The following NUP50 variants were observed in gnomAD, a reference collection of about 807,000 sequenced individuals.
NUP50 encodes the protein nuclear pore complex protein Nup50.
NUP50 carries 14 observed loss-of-function variants against 36.8 expected under a neutral mutation model. That is an observed-to-expected ratio of 0.38 (90% confidence interval 0.25 to 0.59). The LOEUF (loss-of-function observed/expected upper bound fraction) is 0.59. Ranked by LOEUF, NUP50 falls within the 20% of genes least tolerant of loss-of-function variation. The pLI, the probability that NUP50 is intolerant of heterozygous loss-of-function variation, is 0.63. For missense variants in NUP50, 455 were observed against 564.6 expected (o/e 0.81, Z 1.97); for synonymous variants, 195 against 210.8 (o/e 0.93, Z 0.65).
At chr22:45,182,087 T>A (rs147275404) in intron 6 of NUP50, among the ~76,000 whole-genome samples, 371 of 152,280 alleles carry the variant, frequency 2.4e-3, no homozygotes, top group Non-Finnish European at 4.1e-3. Context: ...GTGTTTAAAT[T>A]TCATTACTCA....
chr22:45,179,593 TTGAAAG>T (rs1259952903), intron 5 of NUP50, among the ~76,000 whole-genome samples: 1 of 152,122 alleles, frequency 6.6e-6, no homozygotes, highest in Non-Finnish European at 1.5e-5. Context: ...TTCTAAGCAG[TTGAAAG>T]TGAGGCCAGG....
intron 3 of NUP50, among the ~76,000 whole-genome samples, chr22:45,175,046 G>A (rs930007693): frequency 1.3e-5 from 2 of 151,490 alleles, no homozygotes; most frequent in Non-Finnish European, 2.9e-5. Context: ...TTAGATGTTC[G>A]GTCTAAGAAG....
intron 3 of NUP50, among the ~76,000 whole-genome samples, chr22:45,173,671 G>A (rs1469968734): frequency 6.6e-6 from 1 of 152,148 alleles, no homozygotes; most frequent in Non-Finnish European, 1.5e-5. Flanking sequence ...AGGGTCCTAC[G>A]AGGAGTGAGA....
In NUP50 at chr22:45,178,312, C is replaced by A. The variant is rs746353642; in HGVS notation, c.415C>A (p.Gln139Lys). 12 of 1,613,896 alleles carry A rather than the reference C, an allele frequency of 7.4e-6. No individual in the cohort carries two copies. The South Asian group carries it at 1.3e-4, about 18-fold the overall frequency. The change falls in exon 5 of 8, where the codon CAG (glutamine) becomes AAG (lysine). Residue 139 changes from glutamine (Q) to lysine (K), a missense_variant. Around this residue, in one of 3 missense-constraint regions of NUP50, gnomAD observed 166 missense variants for 202.8 expected, o/e 0.82. Coordinates refer to ENST00000347635, the MANE Select transcript of NUP50 (RefSeq NM_007172.4). Reference sequence around the variant, plus strand: ...TCCCAAAACTAATGGGGACAGTCAGCAGCCCTCCTCCTCTGGCCTTGCTTC... The same window carrying A: ...TCCCAAAACTAATGGGGACAGTCAGAAGCCCTCCTCCTCTGGCCTTGCTTC... ...SNPKTNGDSQ[Q>K]PSSSGLASSK...
rs1726790455 is a variant in NUP50 at position 45,185,610 on chromosome 22, A to G, written c.*955A>G. ...GTGAATTCACTAGGAAACATGTAAT[A>G]AAGTCATGGAAGAGAAAATCGTGTG... On this transcript the variant is annotated 3_prime_UTR_variant, in exon 8 of 8. Coordinates refer to ENST00000347635, the MANE Select transcript of NUP50 (RefSeq NM_007172.4). 1 of 152,250 alleles carries G rather than the reference A, an allele frequency of 6.6e-6. No homozygotes were observed. Among genetic ancestry groups the G allele is most frequent in the East Asian group, 1.9e-4 (1 of 5,202 alleles). The allele number at this position is 152,250 out of a possible 1,614,324, so 9.4% of individuals were successfully genotyped here.
At position 45,187,601 on chromosome 22, in the gene NUP50, G is replaced by T. The variant is rs1237026069; in HGVS notation, c.*2946G>T. 6.6e-6 allele frequency: 1 copy of T among 152,188 alleles called. No homozygotes were observed. The highest frequency in any genetic ancestry group is 1.5e-5 in the Non-Finnish European group (1 of 68,044). The allele number at this position is 152,188 out of a possible 1,614,324, so 9.4% of individuals were successfully genotyped here. On this transcript the variant is annotated 3_prime_UTR_variant, in exon 8 of 8. Coordinates refer to ENST00000347635, the MANE Select transcript of NUP50 (RefSeq NM_007172.4). Reference sequence around the variant, plus strand: ...TTCAGAAGAGTCAAAATTCAAGCACGATACATTTTGAAGGCTTTGCAAACT... The same window carrying T: ...TTCAGAAGAGTCAAAATTCAAGCACTATACATTTTGAAGGCTTTGCAAACT...
chr22:45,180,981 GA>G (rs2074360019), intron 5 of NUP50, among the ~76,000 whole-genome samples: 1 of 142,322 alleles, frequency 7.0e-6, no homozygotes, highest in African/African-American at 2.7e-5. Flanking sequence ...ATAGAGTGTT[GA>G]TTTTTTTTTT....
At chr22:45,183,100 G>T (rs75322544) in intron 6 of NUP50, among the ~76,000 whole-genome samples, 3 of 116,482 alleles carry the variant, frequency 2.6e-5, no homozygotes, top group African/African-American at 1.1e-4. Context: ...GGGGGGGGGG[G>T]TTGGTGTTGA....
chr22:45,165,424 A>G (rs1243421065), intron 1 of NUP50, among the ~76,000 whole-genome samples: 1 of 152,076 alleles, frequency 6.6e-6, no homozygotes, highest in Non-Finnish European at 1.5e-5. Context: ...TATTCATCTA[A>G]TCTATGTCCA....
rs1013803516 is a variant in NUP50 at position 45,183,737 on chromosome 22, C to T, written c.1204+217C>T. On this transcript the variant is annotated intron_variant, in intron 7 of 7. Transcript: ENST00000347635. The stretch of plus-strand genomic sequence containing the variant: ...TGTAAACAAAATGATTTTTCATTTT[C>T]CTTTGTGTTAGAAATGTGACTAAGA... 66 of 480,088 alleles carry T rather than the reference C, an allele frequency of 1.4e-4. 1 individual carries two copies. The highest frequency in any genetic ancestry group is 7.8e-5 in the African/African-American group (4 of 51,358). 29.7% of individuals were successfully genotyped at this position (480,088 alleles called of 1,614,324 possible). A position where few individuals can be genotyped will look rare whatever the true frequency, so the allele number is the denominator to read the frequency against.
At chr22:45,167,021 T>C (rs1478793202) in intron 1 of NUP50, among the ~76,000 whole-genome samples, 1 of 152,196 alleles carries the variant, frequency 6.6e-6, no homozygotes, top group Non-Finnish European at 1.5e-5. Context: ...CATTTGCATT[T>C]TACTTTTAGA....
intron 2 of NUP50, among the ~76,000 whole-genome samples, chr22:45,169,107 G>A (rs1198159105): frequency 6.6e-6 from 1 of 152,054 alleles, no homozygotes; most frequent in Non-Finnish European, 1.5e-5. Flanking sequence ...TCACCATGTT[G>A]GTCAGACTGG....
At chr22:45,170,237 C>T (rs562731635) in intron 2 of NUP50, among the ~76,000 whole-genome samples, 255 of 152,114 alleles carry the variant, frequency 1.7e-3, no homozygotes, top group African/African-American at 5.9e-3. Context: ...TGCCGGTCTC[C>T]GTGTCTTGGT....
In NUP50 at chr22:45,178,974, T is replaced by A. The variant is rs373379312; in HGVS notation, c.1003+74T>A. The A allele has an allele frequency of 2.8e-5, 39 of 1,400,412 alleles. No homozygotes were observed. In the African/African-American group the frequency reaches 5.3e-4, roughly 19 times the overall value. The allele number at this position is 1,400,412 out of a possible 1,614,324, so 86.7% of individuals were successfully genotyped here. A position where few individuals can be genotyped will look rare whatever the true frequency, so the allele number is the denominator to read the frequency against. ...TTCTTGGGAAACCCAGAGACTTTGA[T>A]TCCAAATATGAGTCTGGATTCACAT... On this transcript the variant is annotated intron_variant, in intron 5 of 7. Coordinates refer to ENST00000347635, the MANE Select transcript of NUP50 (RefSeq NM_007172.4).
Position 45,178,578 on chromosome 22 carries a change from A to C in NUP50, c.681A>C (p.Ser227=), listed in dbSNP as rs573912052. 6.8e-6 allele frequency: 11 copies of C among 1,611,760 alleles called. No homozygotes were observed. The highest frequency in any genetic ancestry group is 8.5e-6 in the Non-Finnish European group (10 of 1,179,752). ...CACAGTCTCCTTCCCTTTTTGGCTC[A>C]ACAAAATTACAGCAAGAGTCAACGT... ...AETQSPSLFG[S]TKLQQESTFL... The change falls in exon 5 of 8, where the codon TCA becomes TCC. Residue 227 remains serine (S), a synonymous_variant. Transcript: ENST00000347635.
Position 45,184,550 on chromosome 22 carries a change from T to C in NUP50, c.1302T>C (p.Ile434=), listed in dbSNP as rs768729548. The C allele has an allele frequency of 2.5e-6, 4 of 1,612,980 alleles. No individual in the cohort carries two copies. Among genetic ancestry groups the C allele is most frequent in the South Asian group, 2.2e-5 (2 of 91,058 alleles). Residue 434 remains isoleucine, a synonymous_variant, in exon 8 of 8, where the codon ATT becomes ATC. Coordinates refer to ENST00000347635, the MANE Select transcript of NUP50 (RefSeq NM_007172.4). ...TCGTCTGTGTTCCAAATCCACCAAT[T>C]GACGAGAAGAATGCCACCATGCCAG... ...VLIVCVPNPP[I]DEKNATMPVT... is the part of the protein sequence containing the mutation.
rs941881736 is a variant in NUP50, at chr22:45,164,211, C to T, written c.-96C>T. The T allele has an allele frequency of 2.0e-5, 3 of 152,406 alleles. No homozygotes were observed. Among genetic ancestry groups the T allele is most frequent in the Admixed American group, 6.5e-5 (1 of 15,310 alleles). The allele number at this position is 152,406 out of a possible 1,614,324, so 9.4% of individuals were successfully genotyped here. A position where few individuals can be genotyped will look rare whatever the true frequency, so the allele number is the denominator to read the frequency against. The stretch of plus-strand genomic sequence containing the variant: ...GCCGAGCGCGCTCAGCCCGGCGACC[C>T]CTGCGGGCTCCAGACCCCTGCGCCG... On this transcript the variant is annotated 5_prime_UTR_variant, in exon 1 of 8. Transcript: ENST00000347635.
rs2083466574 is a variant in NUP50 at position 45,187,863 on chromosome 22, G to C, written c.*3208G>C. The stretch of plus-strand genomic sequence containing the variant: ...TAGCAATCAGATGGATAAATTGTTT[G>C]CTTTTTACTTTAAATAGGAAATTGT... On this transcript the variant is annotated 3_prime_UTR_variant, in exon 8 of 8. Transcript: ENST00000347635. The C allele has an allele frequency of 6.6e-6, 1 of 152,620 alleles. No individual in the cohort carries two copies. Among genetic ancestry groups the C allele is most frequent in the Non-Finnish European group, 1.5e-5 (1 of 68,034 alleles). The allele number at this position is 152,620 out of a possible 1,614,324, so 9.5% of individuals were successfully genotyped here.
chr22:45,183,133 G>T (rs1176124802), intron 6 of NUP50, among the ~76,000 whole-genome samples: 1 of 150,244 alleles, frequency 6.7e-6, no homozygotes, highest in Non-Finnish European at 1.5e-5. Flanking sequence ...ACTGACTTGA[G>T]AACACAGTTT....
Sources: gnomAD v4.1 joint callset for allele counts (sites outside exome capture counted in the v4.1 genomes callset) on GRCh38, gnomAD v4.1.1 for gene constraint, gnomAD v4.1.1 regional missense constraint, MANE v1.5 for transcripts, NCBI Gene and HGNC (gene_info 2026-07-23, HGNC 2026-07-21) for gene names.